Variants in MEIOC observed in about 807,000 individuals in gnomAD.
The protein encoded by MEIOC is meiosis-specific coiled-coil domain-containing protein MEIOC.
MEIOC carries 9 observed loss-of-function variants against 85.3 expected under a neutral mutation model. The observed-to-expected ratio is 0.11, with a 90% confidence interval of 0.06 to 0.18. The LOEUF (loss-of-function observed/expected upper bound fraction) is 0.18. Among genes scored for constraint, MEIOC ranks in the 10% least tolerant of loss-of-function variants. MEIOC has a pLI of 1.00. For synonymous variants in MEIOC, 365 were observed against 393.7 expected (o/e 0.93, Z 0.86); for missense variants, 898 against 1,129.4 (o/e 0.80, Z 2.94).
chr17:44,659,201 A>G (rs1434550673), intron 2 of MEIOC, among the ~76,000 whole-genome samples: 1 of 152,184 alleles, frequency 6.6e-6, no homozygotes, highest in Non-Finnish European at 1.5e-5. Context: ...AAATTATTTT[A>G]TTTAATCCAC....
chr17:44,671,910 G>GAA (rs139607132), intron 6 of MEIOC, among the ~76,000 whole-genome samples: 141 of 147,072 alleles, frequency 9.6e-4, no homozygotes, highest in Non-Finnish European at 1.3e-3. Flanking sequence ...CGTCTCAAAA[G>GAA]AAAAAAAAAA....
At chr17:44,676,392 C>T (rs1009064495), downstream of MEIOC, 3 of 152,148 alleles carry the variant, frequency 2.0e-5, no homozygotes, top group Non-Finnish European at 4.4e-5. Context: ...AGCAAAATTA[C>T]CTTGAGTTGT....
chr17:44,666,221 G>A (rs1342250055), intron 4 of MEIOC, among the ~76,000 whole-genome samples, 155 bp from the exon 5 acceptor site: 1 of 152,174 alleles, frequency 6.6e-6, no homozygotes, highest in African/African-American at 2.4e-5. Flanking sequence ...TAATTATCTG[G>A]AGCTAATGGT....
rs1972066027 is a variant in MEIOC, at chr17:44,675,651, C to G, written c.*1455C>G. On this transcript the variant is annotated 3_prime_UTR_variant, in exon 8 of 8. Transcript: ENST00000409122. Reference sequence around the variant, plus strand: ...GCCTTAGAACTACCCAAATGAATTACATTGAGGGTAGTCAAATAAAATAGA... The same window carrying G: ...GCCTTAGAACTACCCAAATGAATTAGATTGAGGGTAGTCAAATAAAATAGA... The G allele has an allele frequency of 1.0e-6, 1 of 984,854 alleles. No homozygotes were observed. The highest frequency in any genetic ancestry group is 1.7e-5 in the African/African-American group (1 of 57,196). 61.0% of individuals were successfully genotyped at this position (984,854 alleles called of 1,614,324 possible).
At position 44,656,521 on chromosome 17, in the gene MEIOC, G is replaced by A; in HGVS notation, c.-93G>A. On this transcript the variant is annotated 5_prime_UTR_variant, in exon 1 of 8. In the 5' UTR this introduces an upstream ATG that the reference lacks. Transcript: ENST00000409122. ...CGGAGGCGGCTGCGGAGACGGCGGG[G>A]TGCGGGCTGAGGGAGCCGGGCCTGG... 1 of 1,064,030 alleles carries A rather than the reference G, an allele frequency of 9.4e-7. No individual in the cohort carries two copies. Among genetic ancestry groups the A allele is most frequent in the Non-Finnish European group, 1.3e-6 (1 of 798,344 alleles). 65.9% of individuals were successfully genotyped at this position (1,064,030 alleles called of 1,614,324 possible).
intron 3 of MEIOC, among the ~76,000 whole-genome samples, chr17:44,664,923 A>T (rs2144664153): frequency 6.6e-6 from 1 of 152,286 alleles, no homozygotes; most frequent in South Asian, 2.1e-4. Context: ...TCCAATATTA[A>T]TATAGAGTCA....
In MEIOC at chr17:44,674,569, A is replaced by G; in HGVS notation, c.*373A>G. 2 of 1,002,578 alleles carry G rather than the reference A, an allele frequency of 2.0e-6. No homozygotes were observed. The highest frequency in any genetic ancestry group is 2.4e-6 in the Non-Finnish European group (2 of 839,698). The allele number at this position is 1,002,578 out of a possible 1,614,324, so 62.1% of individuals were successfully genotyped here. On this transcript the variant is annotated 3_prime_UTR_variant, in exon 8 of 8. Coordinates refer to ENST00000409122, the MANE Select transcript of MEIOC (RefSeq NM_001145080.3). ...TTTGTCTTAGTTAAGTATAATTCCA[A>G]ATAATGAATCTAAGTGACTGTAACC...
rs1467184681 is a variant in MEIOC, at chr17:44,667,202, C to T, written c.1291C>T (p.Pro431Ser). Reference protein sequence around the residue: ...EYGLKPHTACPANDFANVTEK... With the variant: ...EYGLKPHTACSANDFANVTEK... The stretch of plus-strand genomic sequence containing the variant: ...TGGACTAAAACCTCACACAGCTTGT[C>T]CCGCTAATGATTTTGCTAACGTCAC... Residue 431 changes from proline (P) to serine (S), a missense_variant, in exon 5 of 8, where the codon CCC becomes TCC. Around this residue, in one of 2 missense-constraint regions of MEIOC, gnomAD observed 734 missense variants for 860.1 expected, o/e 0.85. Coordinates refer to ENST00000409122, the MANE Select transcript of MEIOC (RefSeq NM_001145080.3). The T allele has an allele frequency of 6.2e-7, 1 of 1,613,870 alleles. No individual in the cohort carries two copies. Among genetic ancestry groups the T allele is most frequent in the Admixed American group, 1.7e-5 (1 of 60,014 alleles).
Position 44,657,182 on chromosome 17 carries a change from C to G in MEIOC, c.125C>G (p.Ala42Gly). 6.4e-7 allele frequency: 1 copy of G among 1,551,886 alleles called. No individual in the cohort carries two copies. ...CGCTGTTGGAACCTCGGCGCCGACG[C>G]CGGCAGCAGGTTAACCGACGTCTTC... Reference protein sequence around the residue: ...ANRCWNLGADAGSRLTDVFGS... With the variant: ...ANRCWNLGADGGSRLTDVFGS... The change falls in exon 2 of 8, where the codon GCC (alanine) becomes GGC (glycine). Residue 42 changes from alanine to glycine, a missense_variant. Around this residue, in one of 2 missense-constraint regions of MEIOC, gnomAD observed 734 missense variants for 860.1 expected, o/e 0.85. Coordinates refer to ENST00000409122, the MANE Select transcript of MEIOC (RefSeq NM_001145080.3).
At position 44,667,597 on chromosome 17, in the gene MEIOC, A is replaced by G; in HGVS notation, c.1686A>G (p.Ile562Met). The part of the protein sequence containing the change: ...GAERIQSVNH[I>M]EGLTKPGEEN... ...AAAGAATCCAATCTGTCAATCACAT[A>G]GAAGGACTAACAAAGCCTGGAGAAG... The change falls in exon 5 of 8, where the codon ATA becomes ATG. Residue 562 changes from isoleucine to methionine, a missense_variant. Transcript: ENST00000409122. 1 of 1,613,776 alleles carries G rather than the reference A, an allele frequency of 6.2e-7. No individual in the cohort carries two copies. Among genetic ancestry groups the G allele is most frequent in the Non-Finnish European group, 8.5e-7 (1 of 1,179,802 alleles).
chr17:44,664,461 C>G (rs917870683), intron 3 of MEIOC, among the ~76,000 whole-genome samples: 3 of 152,062 alleles, frequency 2.0e-5, no homozygotes, highest in Non-Finnish European at 2.9e-5. Flanking sequence ...GATCCAAAAT[C>G]CAAAACTTTT....
chr17:44,657,809 T>C (rs554344270), intron 2 of MEIOC, among the ~76,000 whole-genome samples: 1 of 152,064 alleles, frequency 6.6e-6, no homozygotes, highest in Non-Finnish European at 1.5e-5. Context: ...CACCTCGGCC[T>C]CCCAAAGTGC....
intron 6 of MEIOC, among the ~76,000 whole-genome samples, chr17:44,672,604 T>G (rs1972029261): frequency 6.6e-6 from 1 of 152,236 alleles, no homozygotes; most frequent in Non-Finnish European, 1.5e-5. Context: ...AGACAATTAC[T>G]GTATTTACTT....
intron 6 of MEIOC, among the ~76,000 whole-genome samples, chr17:44,672,147 A>C (rs2144676644): frequency 6.6e-6 from 1 of 151,730 alleles, no homozygotes; most frequent in South Asian, 2.1e-4. Flanking sequence ...CACCCGACTA[A>C]TTTTTTGTAT....
intron 2 of MEIOC, among the ~76,000 whole-genome samples, chr17:44,662,105 T>C (rs1296262480): frequency 1.3e-5 from 2 of 152,220 alleles, no homozygotes; most frequent in Admixed American, 1.3e-4. Flanking sequence ...GCAACCTTAA[T>C]GGCCAGCTAA....
rs1972049028 is a variant in MEIOC, at chr17:44,674,426, C to G, written c.*230C>G. ...TTGACTACTCAGAGTTCTGAGTAGT[C>G]AGATAACAAGTTTAAGTAAATTAAA... On this transcript the variant is annotated 3_prime_UTR_variant, in exon 8 of 8. Transcript: ENST00000409122. 1 of 1,267,572 alleles carries G rather than the reference C, an allele frequency of 7.9e-7. No homozygotes were observed. Among genetic ancestry groups the G allele is most frequent in the African/African-American group, 1.5e-5 (1 of 66,668 alleles). 78.5% of individuals were successfully genotyped at this position (1,267,572 alleles called of 1,614,324 possible).
chr17:44,668,411 A>G (rs1006977061), intron 5 of MEIOC, among the ~76,000 whole-genome samples, 178 bp downstream of exon 5: 7 of 152,130 alleles, frequency 4.6e-5, no homozygotes, highest in Non-Finnish European at 8.8e-5. Context: ...GCAGAATCAT[A>G]GTTTACTGTA....
At chr17:44,676,854 C>A, downstream of MEIOC, 1 of 637,372 alleles carries the variant, frequency 1.6e-6, no homozygotes, top group Non-Finnish European at 2.0e-6. Flanking sequence ...CTTTGCAATA[C>A]TGAACATTTT....
Position 44,666,372 on chromosome 17 carries a change from C to T in MEIOC, c.465-4C>T. The T allele has an allele frequency of 1.3e-6, 2 of 1,540,162 alleles. No individual in the cohort carries two copies. The highest frequency in any genetic ancestry group is 1.8e-6 in the Non-Finnish European group (2 of 1,141,796). On this transcript the variant is annotated splice_region_variant and splice_polypyrimidine_tract_variant and intron_variant, in intron 4 of 7. Coordinates refer to ENST00000409122, the MANE Select transcript of MEIOC (RefSeq NM_001145080.3). ...TTGTAATTAAATATATTTATTTGTT[C>T]TAGGACCTGCTCCTCCAATTTAAAG...
Sources: gnomAD v4.1 joint callset for allele counts (sites outside exome capture counted in the v4.1 genomes callset) on GRCh38, gnomAD v4.1.1 for gene constraint, gnomAD v4.1.1 regional missense constraint, MANE v1.5 for transcripts, NCBI Gene and HGNC (gene_info 2026-07-23, HGNC 2026-07-21) for gene names.